The following CNOT6L variants were observed in gnomAD, a reference collection of about 807,000 sequenced individuals.
CNOT6L encodes the protein CCR4-NOT transcription complex subunit 6-like.
A neutral mutation model predicts 64.0 loss-of-function variants in CNOT6L; 7 were observed. The ratio of observed to expected loss-of-function variants is 0.11; its 90% confidence interval spans 0.06 to 0.21. CNOT6L has a LOEUF of 0.21. Ranked by LOEUF, CNOT6L falls within the 10% of genes least tolerant of loss-of-function variation. The probability of loss-of-function intolerance (pLI) is 1.00; values close to 1 mark genes in which losing one functional copy is unlikely to be tolerated. For missense variants in CNOT6L, 245 were observed against 669.0 expected (o/e 0.37, Z 6.99); for synonymous variants, 193 against 243.4 (o/e 0.79, Z 1.93).
intron 5 of CNOT6L, among the ~76,000 whole-genome samples, chr4:77,751,321 A>T (rs1724839807): frequency 6.6e-6 from 1 of 152,212 alleles, no homozygotes; most frequent in African/African-American, 2.4e-5. Context: ...TTGAGAACGA[A>T]TCAGGAGAAC....
chr4:77,731,537 A>G lies in CNOT6L; in HGVS notation c.874T>C (p.Phe292Leu). The change falls in exon 9 of 12, where the codon TTT (phenylalanine) becomes CTT (leucine). Residue 292 changes from phenylalanine to leucine, a missense_variant and splice_region_variant. Physicochemically the swap from Phe to Leu is conservative, Grantham distance 22 (BLOSUM62 0). Around this residue, in one of 10 missense-constraint regions of CNOT6L, gnomAD observed 94 missense variants for 290.9 expected, o/e 0.32. Transcript: ENST00000504123. ...ACTGTATGCTTCTGCACCAATGTAA[A>G]TCTAAAAGGTACATTATTATAATTT... ...GCAIFFKTEKFTLVQKHTVEF... is the reference protein window; with the variant it reads ...GCAIFFKTEKLTLVQKHTVEF... 6.4e-7 allele frequency: 1 copy of G among 1,555,680 alleles called. No homozygotes were observed. The highest frequency in any genetic ancestry group is 8.7e-7 in the Non-Finnish European group (1 of 1,156,054).
At chr4:77,745,935 G>A (rs145583119) in intron 6 of CNOT6L, among the ~76,000 whole-genome samples, 2 of 152,176 alleles carry the variant, frequency 1.3e-5, no homozygotes, top group Non-Finnish European at 2.9e-5. Context: ...GTCCCCTGGG[G>A]GGTCTGACTG....
intron 5 of CNOT6L, among the ~76,000 whole-genome samples, chr4:77,752,901 T>TA (rs1470594172): frequency 5.9e-5 from 9 of 151,818 alleles, no homozygotes; most frequent in Admixed American, 5.9e-4. Flanking sequence ...CCAATGAAGC[T>TA]AAAAGTTGGT....
In CNOT6L at chr4:77,720,358, C is replaced by T; in HGVS notation, c.*73G>A. 1 of 1,371,926 alleles carries T rather than the reference C, an allele frequency of 7.3e-7. No individual in the cohort carries two copies. Among genetic ancestry groups the T allele is most frequent in the South Asian group, 1.3e-5 (1 of 77,264 alleles). 85.0% of individuals were successfully genotyped at this position (1,371,926 alleles called of 1,614,324 possible). On this transcript the variant is annotated 3_prime_UTR_variant, in exon 12 of 12. Transcript: ENST00000504123. Reference sequence around the variant, plus strand: ...GCAGCTTAAGGATGGCCATACTTCACTCCTACATACTTTGATTTACAACTG... The same window carrying T: ...GCAGCTTAAGGATGGCCATACTTCATTCCTACATACTTTGATTTACAACTG...
intron 5 of CNOT6L, among the ~76,000 whole-genome samples, chr4:77,755,849 G>C (rs1282161094): frequency 6.7e-6 from 1 of 149,434 alleles, no homozygotes; most frequent in Non-Finnish European, 1.5e-5. Flanking sequence ...TGTTATTTCA[G>C]AAAGACATCA....
At chr4:77,797,892 T>A (rs557110674) in intron 1 of CNOT6L, among the ~76,000 whole-genome samples, 1 of 152,296 alleles carries the variant, frequency 6.6e-6, no homozygotes, top group South Asian at 2.1e-4. Flanking sequence ...TTATAAAATA[T>A]CTAGAAGAAA....
intron 4 of CNOT6L, among the ~76,000 whole-genome samples, chr4:77,766,444 A>G (rs1455703497): frequency 6.6e-6 from 1 of 152,106 alleles, no homozygotes; most frequent in East Asian, 1.9e-4. Flanking sequence ...TGGAAACAAC[A>G]GAAGTACGCC....
intron 11 of CNOT6L, among the ~76,000 whole-genome samples, chr4:77,724,176 A>T (rs1193436824): frequency 6.6e-6 from 1 of 151,722 alleles, no homozygotes; most frequent in Non-Finnish European, 1.5e-5. Context: ...TCTCTACCAA[A>T]AAAAACCCCT....
intron 1 of CNOT6L, among the ~76,000 whole-genome samples, chr4:77,780,227 A>C (rs547619507): frequency 6.6e-6 from 1 of 152,316 alleles, no homozygotes; most frequent in African/African-American, 2.4e-5. Flanking sequence ...AGTGATTAAC[A>C]TTTTTCATCC....
intron 4 of CNOT6L, among the ~76,000 whole-genome samples, chr4:77,763,626 G>A (rs1308168698): frequency 1.3e-5 from 2 of 152,072 alleles, no homozygotes; most frequent in Non-Finnish European, 2.9e-5. Context: ...TAGGAAATCT[G>A]AGAAATACAA....
At chr4:77,765,030 G>T (rs1287828443) in intron 4 of CNOT6L, among the ~76,000 whole-genome samples, 3 of 152,142 alleles carry the variant, frequency 2.0e-5, no homozygotes, top group Non-Finnish European at 4.4e-5. Context: ...GAGACAGGAG[G>T]TCAGGACAAG....
At chr4:77,764,255 T>C (rs1203068820) in intron 4 of CNOT6L, among the ~76,000 whole-genome samples, 1 of 152,218 alleles carries the variant, frequency 6.6e-6, no homozygotes, top group African/African-American at 2.4e-5. Flanking sequence ...ACTATGAATA[T>C]ATAGATAATT....
intron 1 of CNOT6L, among the ~76,000 whole-genome samples, chr4:77,812,155 T>C (rs1733020807): frequency 6.6e-6 from 1 of 152,106 alleles, no homozygotes; most frequent in African/African-American, 2.4e-5. Context: ...TTAAAAACTA[T>C]TAGAACTGGC....
chr4:77,749,364 T>A (rs1198600598), intron 5 of CNOT6L, among the ~76,000 whole-genome samples: 4 of 152,102 alleles, frequency 2.6e-5, no homozygotes, highest in Non-Finnish European at 4.4e-5. Flanking sequence ...CAGAAAACAA[T>A]CTTCTGGCTA....
At chr4:77,779,523 ATTAAAATTATGAAATCTCTTCC>A (rs1728605528) in intron 1 of CNOT6L, among the ~76,000 whole-genome samples, 4 of 152,080 alleles carry the variant, frequency 2.6e-5, no homozygotes, top group Admixed American at 2.0e-4. Flanking sequence ...TTGTAAGTCC[ATTAAAATTATGAAATCTCTTCC>A]TTAAAAAAAA....
intron 1 of CNOT6L, among the ~76,000 whole-genome samples, chr4:77,813,601 G>C (rs1049629262): frequency 2.6e-5 from 4 of 152,112 alleles, no homozygotes; most frequent in Non-Finnish European, 5.9e-5. Context: ...CAAAGAATTT[G>C]AGTCTTTTCA....
intron 1 of CNOT6L, among the ~76,000 whole-genome samples, chr4:77,798,688 T>C (rs1476992178): frequency 6.6e-6 from 1 of 152,072 alleles, no homozygotes; most frequent in Non-Finnish European, 1.5e-5. Context: ...TGAAGGTTTC[T>C]TAAAAAGGTA....
chr4:77,807,013 A>G (rs1228678092), intron 1 of CNOT6L, among the ~76,000 whole-genome samples: 3 of 152,304 alleles, frequency 2.0e-5, no homozygotes, highest in Non-Finnish European at 4.4e-5. Context: ...GGTAAGGCAT[A>G]TATCATCTAT....
At chr4:77,817,395 C>T (rs1455450769) in intron 1 of CNOT6L, among the ~76,000 whole-genome samples, 1 of 152,066 alleles carries the variant, frequency 6.6e-6, no homozygotes, top group Admixed American at 6.5e-5. Flanking sequence ...CTTAATATTG[C>T]TCTAAATAAT....
Sources: gnomAD v4.1 joint callset for allele counts (sites outside exome capture counted in the v4.1 genomes callset) on GRCh38, gnomAD v4.1.1 for gene constraint, gnomAD v4.1.1 regional missense constraint, MANE v1.5 for transcripts, NCBI Gene and HGNC (gene_info 2026-07-23, HGNC 2026-07-21) for gene names.